Variants in PDE11A observed in about 807,000 individuals in gnomAD.
The protein encoded by PDE11A is phosphodiesterase 11A, also known as dual 3',5'-cyclic-AMP and -GMP phosphodiesterase 11A.
PDE11A carries 100 observed loss-of-function variants against 100.5 expected under a neutral mutation model. That is an observed-to-expected ratio of 1.00 (90% CI 0.85 to 1.18). The LOEUF (loss-of-function observed/expected upper bound fraction) is 1.18. Ranked by LOEUF, PDE11A falls within the 50% of genes most tolerant of loss-of-function variation. The pLI, the probability that PDE11A is intolerant of heterozygous loss-of-function variation, is 0.00. For missense variants in PDE11A, 1,141 were observed against 1,152.6 expected (o/e 0.99, Z 0.15); for synonymous variants, 381 against 420.8 (o/e 0.91, Z 1.16).
intron 1 of PDE11A, among the ~76,000 whole-genome samples, chr2:178,040,674 T>C (rs2086672397): frequency 6.6e-6 from 1 of 152,210 alleles, no homozygotes; most frequent in Non-Finnish European, 1.5e-5. Flanking sequence ...CATAGACTTA[T>C]TGATACTAAA....
At chr2:177,755,537 G>A (rs2082079787) in intron 10 of PDE11A, among the ~76,000 whole-genome samples, 1 of 152,144 alleles carries the variant, frequency 6.6e-6, no homozygotes, top group Non-Finnish European at 1.5e-5. Context: ...TTCCTTTCTA[G>A]AACTGGCCCT....
chr2:178,006,699 T>C (rs148562871), intron 2 of PDE11A, among the ~76,000 whole-genome samples: 85 of 152,218 alleles, frequency 5.6e-4, no homozygotes, highest in African/African-American at 1.9e-3. Context: ...AATACAGCAG[T>C]TAATGTCAAT....
chr2:177,647,018 C>T (rs2080232614), intron 19 of PDE11A, among the ~76,000 whole-genome samples: 1 of 152,164 alleles, frequency 6.6e-6, no homozygotes, highest in African/African-American at 2.4e-5. Context: ...TAGGCAACTT[C>T]TGACTTGGAA....
intron 19 of PDE11A, among the ~76,000 whole-genome samples, chr2:177,656,327 T>C (rs1016192378): frequency 9.9e-5 from 15 of 152,250 alleles, no homozygotes; most frequent in Non-Finnish European, 1.5e-4. Context: ...AGTAAAATGC[T>C]GTACAGGTTT....
chr2:177,723,475 T>C (rs1333650976), intron 12 of PDE11A, among the ~76,000 whole-genome samples: 3 of 152,154 alleles, frequency 2.0e-5, no homozygotes, highest in African/African-American at 7.2e-5. Context: ...AATGTGATCA[T>C]GTGCTCTTCT....
chr2:177,740,987 TC>T (rs1217810754), intron 10 of PDE11A, among the ~76,000 whole-genome samples: 1 of 152,172 alleles, frequency 6.6e-6, no homozygotes, highest in Non-Finnish European at 1.5e-5. Flanking sequence ...AGCATCAGTG[TC>T]CTATTCTGAG....
At chr2:178,092,098 T>C (rs2087430453) in intron 2 of PDE11A, among the ~76,000 whole-genome samples, 1 of 152,152 alleles carries the variant, frequency 6.6e-6, no homozygotes, top group Admixed American at 6.5e-5. Flanking sequence ...TTGTTTATAA[T>C]AAAAAGCAAA....
intron 9 of PDE11A, among the ~76,000 whole-genome samples, chr2:177,780,649 G>T (rs13421345): frequency 0.33 from 49,595 of 152,070 alleles, 8,411 homozygotes; most frequent in East Asian, 0.37. Flanking sequence ...TGGATAACTT[G>T]CTACAGCTTC....
intron 2 of PDE11A, among the ~76,000 whole-genome samples, chr2:177,981,251 T>G (rs2085877989): frequency 6.6e-6 from 1 of 150,698 alleles, no homozygotes; most frequent in Non-Finnish European, 1.5e-5. Flanking sequence ...ATATTTACTG[T>G]ATTAGTTTCC....
rs112932007 is a variant in PDE11A, at chr2:177,820,167, G to A, written c.1576+53C>T. The A allele has an allele frequency of 5.2e-3, 5,019 of 968,952 alleles. 181 individuals are homozygous for A. The African/African-American group carries it at 0.071, about 14-fold the overall frequency. 60.0% of individuals were successfully genotyped at this position (968,952 alleles called of 1,614,324 possible). A position where few individuals can be genotyped will look rare whatever the true frequency, so the allele number is the denominator to read the frequency against. On this transcript the variant is annotated intron_variant, in intron 7 of 19. Coordinates refer to ENST00000286063, the MANE Select transcript of PDE11A (RefSeq NM_016953.4). ...AAAAAAGATATGGGAATATTTTAAA[G>A]CAAACTTCTGTTTCTTTATTCAAGA...
intron 2 of PDE11A, among the ~76,000 whole-genome samples, chr2:177,979,200 C>A (rs1348303087): frequency 6.6e-6 from 1 of 150,608 alleles, no homozygotes; most frequent in Non-Finnish European, 1.5e-5. Flanking sequence ...TGCATATGTC[C>A]CAGATTGCAA....
intron 2 of PDE11A, among the ~76,000 whole-genome samples, chr2:177,979,153 C>A (rs1368283994): frequency 6.7e-6 from 1 of 150,268 alleles, no homozygotes; most frequent in East Asian, 1.9e-4. Context: ...CCCCCTTTCC[C>A]CAACCCCTTT....
At chr2:177,783,708 T>G (rs1224571272) in intron 9 of PDE11A, among the ~76,000 whole-genome samples, 1 of 152,236 alleles carries the variant, frequency 6.6e-6, no homozygotes, top group Non-Finnish European at 1.5e-5. Flanking sequence ...AAAACGCCTC[T>G]TATTGAAAAT....
At chr2:177,787,427 C>T (rs1246162441) in intron 9 of PDE11A, among the ~76,000 whole-genome samples, 15 of 151,722 alleles carry the variant, frequency 9.9e-5, no homozygotes, top group Non-Finnish European at 2.2e-4. Context: ...CCAGCCGCTG[C>T]AAAATCATGC....
chr2:177,880,581 T>G (rs2105702791), intron 4 of PDE11A, among the ~76,000 whole-genome samples: 1 of 152,322 alleles, frequency 6.6e-6, no homozygotes, highest in Non-Finnish European at 1.5e-5. Flanking sequence ...CAGCTTTCAA[T>G]GAGTTCTTTG....
chr2:177,671,820 C>T (rs560552830), intron 17 of PDE11A, among the ~76,000 whole-genome samples: 7 of 152,240 alleles, frequency 4.6e-5, no homozygotes, highest in Admixed American at 3.9e-4. Context: ...CCAAGTCGGC[C>T]TAAAATATCA....
chr2:178,034,308 G>A (rs935973345), intron 1 of PDE11A, among the ~76,000 whole-genome samples: 2 of 150,682 alleles, frequency 1.3e-5, no homozygotes, highest in East Asian at 1.9e-4. Context: ...AGGGATCAAC[G>A]CAACAAGAAA....
intron 2 of PDE11A, chr2:177,997,259 T>C (rs2086087459): frequency 8.2e-7 from 1 of 1,217,842 alleles, no homozygotes; most frequent in East Asian, 2.3e-5. Flanking sequence ...CTACTTTCCC[T>C]GAAGGCTCCT....
In PDE11A at chr2:178,047,233, G is replaced by A. The variant is rs752558436; in HGVS notation, c.912+24293C>T. On this transcript the variant is annotated intron_variant, in intron 1 of 19. Transcript: ENST00000286063. The stretch of plus-strand genomic sequence containing the variant: ...TCCCAACACTTTGGGAGGCCAAGGC[G>A]GATGGATCACTTGAGGTTAGGAGTT... Among the ~76,000 whole-genome samples, 8 of 151,978 alleles carry A rather than the reference G, an allele frequency of 5.3e-5. No homozygotes were observed. The South Asian group carries it at 6.2e-4, about 12-fold the overall frequency.
Sources: gnomAD v4.1 joint callset for allele counts (sites outside exome capture counted in the v4.1 genomes callset) on GRCh38, gnomAD v4.1.1 for gene constraint, MANE v1.5 for transcripts, NCBI Gene and HGNC (gene_info 2026-07-23, HGNC 2026-07-21) for gene names.